The following ACADSB variants were observed in gnomAD, a reference collection of about 807,000 sequenced individuals.
The protein encoded by ACADSB is acyl-CoA dehydrogenase short/branched chain, also known as short/branched chain specific acyl-CoA dehydrogenase, mitochondrial.
In ACADSB, 40 loss-of-function variants were observed where a neutral mutation model predicts 54.1. The observed-to-expected ratio is 0.74, with a 90% confidence interval of 0.57 to 0.96. The LOEUF is 0.96. Among genes scored for constraint, ACADSB ranks in the 40% least tolerant of loss-of-function variants. ACADSB has a pLI of 0.00. For missense variants in ACADSB, 530 were observed against 510.4 expected, an observed-to-expected ratio of 1.04 and a Z score of -0.37; for synonymous variants, 182 against 182.8, an observed-to-expected ratio of 1.00 and a Z score of 0.03.
At position 123,050,045 on chromosome 10, in the gene ACADSB, C is replaced by T. The variant is rs139708208; in HGVS notation, c.991-1004C>T. Among the ~76,000 whole-genome samples the T allele has an allele frequency of 2.8e-3, 433 of 152,244 alleles. 2 individuals carry two copies. The highest frequency in any genetic ancestry group is 9.8e-3 in the African/African-American group (408 of 41,546). ...TTTATAGCCTACATATACGGAACAT[C>T]GTCTCTTTTTGTACATACGAAATTG... On this transcript the variant is annotated intron_variant, in intron 8 of 10. Coordinates refer to ENST00000358776, the MANE Select transcript of ACADSB (RefSeq NM_001609.4).
Position 123,044,467 on chromosome 10 carries a change from A to T in ACADSB, c.882A>T (p.Arg294Ser). ...KYAIGSLNEG[R>S]IGIAAQMLGL... ...CCATAGGGAGTCTCAATGAAGGTAG[A>T]ATAGGAATTGCTGCACAGGTAAGTC... The change falls in exon 7 of 11, where the codon AGA (arginine) becomes AGT (serine). Residue 294 changes from arginine (R) to serine (S), a missense_variant. By Grantham distance (110) the Arg-to-Ser change is moderately radical (BLOSUM62 -1). Transcript: ENST00000358776. 6.2e-7 allele frequency: 1 copy of T among 1,613,210 alleles called. No homozygotes were observed. The highest frequency in any genetic ancestry group is 8.5e-7 in the Non-Finnish European group (1 of 1,179,272).
chr10:123,036,178 C>T (rs1850395642), intron 2 of ACADSB, among the ~76,000 whole-genome samples: 1 of 152,122 alleles, frequency 6.6e-6, no homozygotes, highest in African/African-American at 2.4e-5. Context: ...ACCTCTGCCT[C>T]CTGGGTTCAA....
chr10:123,020,710 T>C (rs959659527), intron 1 of ACADSB, among the ~76,000 whole-genome samples: 2 of 152,234 alleles, frequency 1.3e-5, no homozygotes, highest in African/African-American at 2.4e-5. Flanking sequence ...GAGAGATCCA[T>C]TTGCTCATCT....
chr10:123,023,511 A>G (rs914037247), intron 1 of ACADSB, among the ~76,000 whole-genome samples: 5 of 152,198 alleles, frequency 3.3e-5, no homozygotes, highest in African/African-American at 7.2e-5. Flanking sequence ...AAGATCCAGT[A>G]GCTTTTACCT....
chr10:123,024,827 T>A (rs150395883), intron 1 of ACADSB, among the ~76,000 whole-genome samples: 134 of 152,346 alleles, frequency 8.8e-4, no homozygotes, highest in African/African-American at 3.0e-3. Flanking sequence ...AGGTTTCCCA[T>A]TGGTTACTTG....
intron 4 of ACADSB, among the ~76,000 whole-genome samples, chr10:123,040,918 T>C (rs1021544587): frequency 1.3e-5 from 2 of 152,252 alleles, no homozygotes; most frequent in South Asian, 2.1e-4. Context: ...GATTATATTT[T>C]CTAATACGTT....
At chr10:123,013,372 C>A (rs1227737554) in intron 1 of ACADSB, among the ~76,000 whole-genome samples, 6 of 152,246 alleles carry the variant, frequency 3.9e-5, no homozygotes, top group Non-Finnish European at 8.8e-5. Context: ...TTGGTGCACT[C>A]ACAATCCCTT....
chr10:123,035,251 C>G (rs551374415), intron 2 of ACADSB, among the ~76,000 whole-genome samples: 7 of 152,204 alleles, frequency 4.6e-5, no homozygotes, highest in African/African-American at 1.7e-4. Context: ...CCACCATGCC[C>G]AGCCTAGATA....
At position 123,057,584 on chromosome 10, in the gene ACADSB, A is replaced by G. The variant is rs3980942; in HGVS notation, c.*3819A>G. 149,691 of 152,312 alleles carry G rather than the reference A, an allele frequency of 0.98. 73,617 individuals are homozygous for G. Among genetic ancestry groups the G allele is most frequent in the Middle Eastern group, 1 (294 of 294 alleles). The allele number at this position is 152,312 out of a possible 1,614,324, so 9.4% of individuals were successfully genotyped here. A position where few individuals can be genotyped will look rare whatever the true frequency, so the allele number is the denominator to read the frequency against. On this transcript the variant is annotated 3_prime_UTR_variant, in exon 11 of 11. Transcript: ENST00000358776. The stretch of plus-strand genomic sequence containing the variant: ...ACTGGGCTGTCTTGGGGCTCAGAAG[A>G]TAAAGAACTATTTGAGCAGATGTGT...
At chr10:123,035,665 G>C (rs1676093237) in intron 2 of ACADSB, among the ~76,000 whole-genome samples, 1 of 152,094 alleles carries the variant, frequency 6.6e-6, no homozygotes, top group Non-Finnish European at 1.5e-5. Context: ...CAGAGCTCAG[G>C]GTCCTTCCAA....
At chr10:123,026,346 A>G (rs12257307) in intron 1 of ACADSB, among the ~76,000 whole-genome samples, 3 of 151,986 alleles carry the variant, frequency 2.0e-5, no homozygotes, top group Admixed American at 6.5e-5. Flanking sequence ...TAATCTGTCT[A>G]TAGTTAGTTC....
chr10:123,036,907 C>G (rs1335193402), intron 2 of ACADSB, among the ~76,000 whole-genome samples: 1 of 152,206 alleles, frequency 6.6e-6, no homozygotes, highest in East Asian at 1.9e-4. Context: ...GCCACATGCA[C>G]TGAACCCGGT....
Position 123,009,137 on chromosome 10 carries a change from G to T in ACADSB, c.42+66G>T, listed in dbSNP as rs571674926. On this transcript the variant is annotated intron_variant, in intron 1 of 10. Coordinates refer to ENST00000358776, the MANE Select transcript of ACADSB (RefSeq NM_001609.4). ...ACCTTGGCCCCTGGAATCGCAGCTG[G>T]CAGAGCCTTCTAACGGGCCTCGGGG... 107 of 1,509,126 alleles carry T rather than the reference G, an allele frequency of 7.1e-5. 1 individual carries two copies. In the South Asian group the frequency reaches 8.5e-4, roughly 12 times the overall value. 93.5% of individuals were successfully genotyped at this position (1,509,126 alleles called of 1,614,324 possible).
At chr10:123,025,299 CAAG>C (rs1005396212) in intron 1 of ACADSB, among the ~76,000 whole-genome samples, 13 of 151,492 alleles carry the variant, frequency 8.6e-5, no homozygotes, top group Non-Finnish European at 1.6e-4. Flanking sequence ...TCTGCAACAA[CAAG>C]AACAACAACA....
chr10:123,051,188 T>TAAAAAAAAAAAAAAAAAAAAAGAA lies in ACADSB; in HGVS notation c.1128+23_1128+24insGAAAAAAAAAAAAAAAAAAAAAAA. ...ATGGCCAAATACTATGCATCAGAGG[T>TAAAAAAAAAAAAAAAAAAAAAGAA]AAAAAAAAAAAAAAAAAAAAAAAAG... On this transcript the variant is annotated splice_region_variant and intron_variant, in intron 9 of 10. Coordinates refer to ENST00000358776, the MANE Select transcript of ACADSB (RefSeq NM_001609.4). The TAAAAAAAAAAAAAAAAAAAAAGAA allele has an allele frequency of 9.8e-7, 1 of 1,015,738 alleles. No homozygotes were observed. Among genetic ancestry groups the TAAAAAAAAAAAAAAAAAAAAAGAA allele is most frequent in the Non-Finnish European group, 1.2e-6 (1 of 824,600 alleles). 62.9% of individuals were successfully genotyped at this position (1,015,738 alleles called of 1,614,324 possible). A position where few individuals can be genotyped will look rare whatever the true frequency, so the allele number is the denominator to read the frequency against.
intron 10 of ACADSB, 40 bp from the exon 11 acceptor site, chr10:123,053,655 G>T: frequency 6.4e-7 from 1 of 1,554,456 alleles, no homozygotes; most frequent in East Asian, 2.2e-5. Flanking sequence ...TTAACCATGC[G>T]CCAACTCCTC....
chr10:123,051,402 T>C (rs1198816742), intron 9 of ACADSB, among the ~76,000 whole-genome samples: 1 of 152,022 alleles, frequency 6.6e-6, no homozygotes, highest in African/African-American at 2.4e-5. Context: ...AATGTTTCGT[T>C]GAGTAGCCCA....
rs147552103 is a variant in ACADSB at position 123,014,915 on chromosome 10, G to A, written c.42+5844G>A. ...CCACTATAGGTGATGTAACAGTTTT[G>A]CAGAAGGGTGGAATGGGTTCAGATG... On this transcript the variant is annotated intron_variant, in intron 1 of 10. Transcript: ENST00000358776. 3.7e-3 allele frequency among the ~76,000 whole-genome samples: 560 copies of A among 152,298 alleles called. 2 individuals are homozygous for A. Among genetic ancestry groups the A allele is most frequent in the Non-Finnish European group, 6.3e-3 (429 of 68,024 alleles).
intron 1 of ACADSB, among the ~76,000 whole-genome samples, chr10:123,016,061 G>T (rs1564745901): frequency 6.6e-6 from 1 of 152,220 alleles, no homozygotes; most frequent in Non-Finnish European, 1.5e-5. Context: ...TGGAGAAAAA[G>T]TAATTTAGGG....
Sources: allele counts gnomAD v4.1 joint callset (sites outside exome capture counted in the v4.1 genomes callset), GRCh38; gene constraint gnomAD v4.1.1; transcripts MANE v1.5; gene names NCBI Gene and HGNC (gene_info 2026-07-23, HGNC 2026-07-21).